The following WWOX variants were observed in gnomAD, a reference collection of about 807,000 sequenced individuals.
WWOX encodes the protein WW domain containing oxidoreductase.
A neutral mutation model predicts 46.2 loss-of-function variants in WWOX; 69 were observed. The observed-to-expected ratio is 1.49, with a 90% CI of 1.23 to 1.82. WWOX has a LOEUF of 1.82. Among genes scored for constraint, WWOX ranks in the 40% most tolerant of loss-of-function variants. The probability of loss-of-function intolerance (pLI) is 0.00; values close to 1 mark genes in which losing one functional copy is unlikely to be tolerated. For missense variants in WWOX, 919 were observed against 542.6 expected, an observed-to-expected ratio of 1.69 and a Z score of -6.89; for synonymous variants, 359 against 202.6, an observed-to-expected ratio of 1.77 and a Z score of -6.56.
At chr16:78,431,159 G>C (rs74791341) in intron 7 of WWOX, among the ~76,000 whole-genome samples, 290 of 152,274 alleles carry the variant, frequency 1.9e-3, no homozygotes, top group African/African-American at 6.5e-3. Context: ...CAAACGGAAA[G>C]AAACAAACAG....
chr16:78,588,703 C>T (rs2045279500), intron 8 of WWOX, among the ~76,000 whole-genome samples: 1 of 152,182 alleles, frequency 6.6e-6, no homozygotes, highest in Non-Finnish European at 1.5e-5. Flanking sequence ...ATGCCTTTAA[C>T]ATCTGCTAAG....
chr16:78,546,045 T>C (rs1402103990), intron 8 of WWOX, among the ~76,000 whole-genome samples: 1 of 152,196 alleles, frequency 6.6e-6, no homozygotes, highest in East Asian at 1.9e-4. Context: ...TGCTCTATGC[T>C]GGGCACAAGG....
chr16:78,191,581 A>G (rs1051290558), intron 5 of WWOX, among the ~76,000 whole-genome samples: 2 of 152,058 alleles, frequency 1.3e-5, no homozygotes, highest in African/African-American at 2.4e-5. Flanking sequence ...ATTCCTTTTT[A>G]TGAGTTTCGG....
At chr16:78,120,774 A>G (rs1005058072) in intron 4 of WWOX, among the ~76,000 whole-genome samples, 1 of 152,276 alleles carries the variant, frequency 6.6e-6, no homozygotes, top group Admixed American at 6.5e-5. Flanking sequence ...ATGAATTCAT[A>G]TCTTGTGCAA....
intron 8 of WWOX, among the ~76,000 whole-genome samples, chr16:78,481,866 G>C (rs1353357702): frequency 6.6e-6 from 1 of 151,546 alleles, no homozygotes; most frequent in African/African-American, 2.4e-5. Flanking sequence ...AATCTTCTTG[G>C]GGCTGGAGCT....
At chr16:79,044,376 T>G (rs2048028407) in intron 8 of WWOX, among the ~76,000 whole-genome samples, 1 of 152,132 alleles carries the variant, frequency 6.6e-6, no homozygotes, top group Admixed American at 6.5e-5. Context: ...GATTGGGTCA[T>G]GGGGGTGGAT....
intron 8 of WWOX, among the ~76,000 whole-genome samples, chr16:78,722,265 C>T (rs1042563923): frequency 6.6e-6 from 1 of 152,148 alleles, no homozygotes; most frequent in African/African-American, 2.4e-5. Flanking sequence ...GGGTTCAGTC[C>T]TAGCTCTGGC....
chr16:78,564,144 C>G (rs2044507196), intron 8 of WWOX, among the ~76,000 whole-genome samples: 1 of 152,250 alleles, frequency 6.6e-6, no homozygotes, highest in Non-Finnish European at 1.5e-5. Context: ...CAGCTGAGCC[C>G]AGCCCAAATT....
At chr16:78,753,696 G>T (rs1213125703) in intron 8 of WWOX, among the ~76,000 whole-genome samples, 2 of 150,178 alleles carry the variant, frequency 1.3e-5, no homozygotes. Flanking sequence ...CAGGTACTCA[G>T]GAGGCTGAGG....
chr16:78,221,926 A>T (rs2036902149), intron 5 of WWOX, among the ~76,000 whole-genome samples: 1 of 152,110 alleles, frequency 6.6e-6, no homozygotes, highest in Non-Finnish European at 1.5e-5. Context: ...TTCCTTATAC[A>T]TAATCTATTT....
At chr16:78,169,345 T>C (rs963793029) in intron 5 of WWOX, among the ~76,000 whole-genome samples, 2 of 152,124 alleles carry the variant, frequency 1.3e-5, no homozygotes, top group South Asian at 2.1e-4. Flanking sequence ...ACGATAGGTG[T>C]GTCTGAGTCC....
chr16:78,326,948 C>G (rs1193417659), intron 5 of WWOX, among the ~76,000 whole-genome samples: 1 of 152,112 alleles, frequency 6.6e-6, no homozygotes, highest in Non-Finnish European at 1.5e-5. Flanking sequence ...ACTTTGCAAA[C>G]TGAATTTCTC....
At chr16:78,922,891 T>C (rs1425253606) in intron 8 of WWOX, among the ~76,000 whole-genome samples, 1 of 152,152 alleles carries the variant, frequency 6.6e-6, no homozygotes, top group Non-Finnish European at 1.5e-5. Flanking sequence ...ATACTAAAAA[T>C]AAGAACTTAA....
At chr16:78,353,870 G>A (rs1017442912) in intron 5 of WWOX, among the ~76,000 whole-genome samples, 3 of 152,296 alleles carry the variant, frequency 2.0e-5, no homozygotes, top group Non-Finnish European at 2.9e-5. Flanking sequence ...ATGTGGTGCC[G>A]AGTTGTCAGG....
chr16:79,170,033 A>T (rs921519165), intron 8 of WWOX, among the ~76,000 whole-genome samples: 1 of 152,178 alleles, frequency 6.6e-6, no homozygotes, highest in African/African-American at 2.4e-5. Flanking sequence ...TCCTAAAAGG[A>T]GATTTTATAA....
chr16:78,297,212 G>A (rs898201540), intron 5 of WWOX, among the ~76,000 whole-genome samples: 4 of 152,014 alleles, frequency 2.6e-5, no homozygotes, highest in Admixed American at 2.6e-4. Context: ...TTTATTTTAC[G>A]GCTCTCGCAC....
chr16:78,714,428 A>G (rs1360611507), intron 8 of WWOX, among the ~76,000 whole-genome samples: 1 of 152,012 alleles, frequency 6.6e-6, no homozygotes, highest in African/African-American at 2.4e-5. Context: ...CAGCATGGGA[A>G]AGACCTGCCC....
At chr16:78,360,617 ATTTCACAGTACCTCTACTTTCTTGT>A (rs1567523954) in intron 5 of WWOX, among the ~76,000 whole-genome samples, 11 of 98,942 alleles carry the variant, frequency 1.1e-4, no homozygotes, top group African/African-American at 2.9e-4. Flanking sequence ...AAATAGCAAT[ATTTCACAGTACCTCTACTTTCTTGT>A]AATTTTAGCA....
At chr16:78,609,279 TG>T (rs2045840495) in intron 8 of WWOX, among the ~76,000 whole-genome samples, 1 of 152,210 alleles carries the variant, frequency 6.6e-6, no homozygotes, top group Admixed American at 6.5e-5. Flanking sequence ...TTTTTTGTTC[TG>T]GTTTTTGTTT....
Sources: gnomAD v4.1 joint callset for allele counts (sites outside exome capture counted in the v4.1 genomes callset) on GRCh38, gnomAD v4.1.1 for gene constraint, MANE v1.5 for transcripts, NCBI Gene and HGNC (gene_info 2026-07-23, HGNC 2026-07-21) for gene names.